SDK1: variants seen among roughly 807,000 people sequenced by gnomAD.
SDK1 encodes sidekick cell adhesion molecule 1, also known as protein sidekick-1.
A neutral mutation model predicts 245.5 loss-of-function variants in SDK1; 157 were observed. That is an observed-to-expected ratio of 0.64 (90% CI 0.56 to 0.73). SDK1 has a LOEUF of 0.73. Among genes scored for constraint, SDK1 ranks in the 30% least tolerant of loss-of-function variants. The pLI, the probability that SDK1 is intolerant of heterozygous loss-of-function variation, is 0.00. For missense variants in SDK1, 3,583 were observed against 3,002.3 expected (o/e 1.19, Z -4.52); for synonymous variants, 1,647 against 1,278.5 (o/e 1.29, Z -6.15).
At chr7:3,869,456 T>C (rs1294618145) in intron 5 of SDK1, among the ~76,000 whole-genome samples, 7 of 152,066 alleles carry the variant, frequency 4.6e-5, no homozygotes, top group Non-Finnish European at 1.0e-4. Flanking sequence ...ACGCCTGGCC[T>C]GTATTTTTCA....
chr7:3,997,923 G>A (rs868404241), intron 14 of SDK1, among the ~76,000 whole-genome samples: 1 of 152,246 alleles, frequency 6.6e-6, no homozygotes, highest in Non-Finnish European at 1.5e-5. Context: ...GCAGGGAGCA[G>A]CCAAGCAGTG....
intron 4 of SDK1, among the ~76,000 whole-genome samples, chr7:3,708,054 G>A (rs192183645): frequency 9.9e-5 from 15 of 152,242 alleles, no homozygotes; most frequent in Admixed American, 3.3e-4. Context: ...TACAGGAAGC[G>A]TGATGCTGCT....
rs145930339 is a variant in SDK1 at position 3,599,902 on chromosome 7, T to C, written c.299-19178T>C. Among the ~76,000 whole-genome samples, 222 of 152,366 alleles carry C rather than the reference T, an allele frequency of 1.5e-3. 1 individual carries two copies. Among genetic ancestry groups the C allele is most frequent in the African/African-American group, 5.3e-3 (219 of 41,590 alleles). On this transcript the variant is annotated intron_variant, in intron 1 of 44. Transcript: ENST00000404826. ...CCTCATATTATTTTGTAAAATTGTT[T>C]TAGATATTCTACTTCCTTTTTTCAT...
chr7:3,889,648 C>T (rs1162510882), intron 5 of SDK1, among the ~76,000 whole-genome samples: 1 of 152,196 alleles, frequency 6.6e-6, no homozygotes, highest in Non-Finnish European at 1.5e-5. Context: ...GCTGGGACTA[C>T]AGGTGCCCGC....
chr7:3,889,389 G>T (rs1442654928), intron 5 of SDK1, among the ~76,000 whole-genome samples: 2 of 152,226 alleles, frequency 1.3e-5, no homozygotes, highest in Non-Finnish European at 2.9e-5. Flanking sequence ...AGTGCAGGTG[G>T]CAGAAAGACA....
chr7:3,797,677 C>A (rs1490871011), intron 4 of SDK1, among the ~76,000 whole-genome samples: 3 of 152,104 alleles, frequency 2.0e-5, no homozygotes, highest in African/African-American at 7.2e-5. Flanking sequence ...TCCACAATTT[C>A]TTTTCCTTTG....
chr7:3,832,669 A>G (rs981337871), intron 5 of SDK1, among the ~76,000 whole-genome samples: 3 of 152,198 alleles, frequency 2.0e-5, no homozygotes, highest in African/African-American at 7.2e-5. Flanking sequence ...TTATATCAGA[A>G]ATAATAGGAA....
chr7:3,849,115 C>G (rs1392008959), intron 5 of SDK1, among the ~76,000 whole-genome samples: 2 of 152,196 alleles, frequency 1.3e-5, no homozygotes, highest in South Asian at 2.1e-4. Context: ...GCCGTCCGAA[C>G]TTTCCCTTTC....
At chr7:3,934,603 T>G (rs560163680) in intron 5 of SDK1, among the ~76,000 whole-genome samples, 1 of 152,378 alleles carries the variant, frequency 6.6e-6, no homozygotes, top group South Asian at 2.1e-4. Flanking sequence ...AAACATCTAT[T>G]AGGCACTTAC....
intron 4 of SDK1, among the ~76,000 whole-genome samples, chr7:3,812,657 G>A (rs1343133113): frequency 6.6e-6 from 1 of 152,182 alleles, no homozygotes; most frequent in Non-Finnish European, 1.5e-5. Context: ...GGCTTGACTG[G>A]TCTTTTCCTG....
Position 3,358,748 on chromosome 7 carries a change from T to C in SDK1, c.298+56864T>C, listed in dbSNP as rs145516808. ...CCTGGAAGACTTAATTTGAGGTCTT[T>C]ATACGTACTTGCGCTACAGTAAATA... On this transcript the variant is annotated intron_variant, in intron 1 of 44. Transcript: ENST00000404826. Among the ~76,000 whole-genome samples, 683 of 152,348 alleles carry C rather than the reference T, an allele frequency of 4.5e-3. 6 individuals carry two copies. Among genetic ancestry groups the C allele is most frequent in the African/African-American group, 0.016 (658 of 41,588 alleles).
At chr7:3,961,888 CAT>C (rs1052255994) in intron 8 of SDK1, among the ~76,000 whole-genome samples, 35 of 152,078 alleles carry the variant, frequency 2.3e-4, no homozygotes, top group African/African-American at 8.5e-4. Context: ...CACATGTACA[CAT>C]ATATGCAGGT....
Position 4,011,066 on chromosome 7 carries a change from C to T in SDK1, c.2232C>T (p.Cys744=), listed in dbSNP as rs745351966. 5.6e-6 allele frequency: 9 copies of T among 1,613,998 alleles called. No homozygotes were observed. Among genetic ancestry groups the T allele is most frequent in the South Asian group, 2.2e-5 (2 of 91,044 alleles). The change falls in exon 15 of 45, where the codon TGC becomes TGT. Residue 744 remains cysteine (C), a synonymous_variant. Transcript: ENST00000404826. ...CTCGTACCTATCAATTCCGGGTGTG[C>T]GCGGTGAATGAAGTGGGCAGGGGCC... is the stretch of plus-strand genomic sequence containing the variant. ...TPARTYQFRV[C]AVNEVGRGQY...
intron 1 of SDK1, among the ~76,000 whole-genome samples, chr7:3,497,849 C>T (rs1029256127): frequency 6.6e-6 from 1 of 152,158 alleles, no homozygotes; most frequent in Non-Finnish European, 1.5e-5. Context: ...CCATCTAATC[C>T]CCTCACTGCA....
intron 4 of SDK1, among the ~76,000 whole-genome samples, chr7:3,717,960 A>T (rs892509929): frequency 6.2e-5 from 7 of 113,308 alleles, no homozygotes; most frequent in Non-Finnish European, 1.3e-4. Flanking sequence ...GACAGCATTT[A>T]AAAAAAAAAA....
At chr7:3,809,081 A>T (rs1236811444) in intron 4 of SDK1, among the ~76,000 whole-genome samples, 1 of 152,074 alleles carries the variant, frequency 6.6e-6, no homozygotes, top group African/African-American at 2.4e-5. Flanking sequence ...TGGCTCGTAG[A>T]TCTGCAGGCT....
chr7:3,600,396 C>T (rs1021619148), intron 1 of SDK1, among the ~76,000 whole-genome samples: 3 of 152,076 alleles, frequency 2.0e-5, no homozygotes, highest in African/African-American at 7.2e-5. Context: ...TTCTTTCCTT[C>T]CAGTATGTAC....
chr7:3,328,025 A>G (rs956312868), intron 1 of SDK1, among the ~76,000 whole-genome samples: 3 of 152,090 alleles, frequency 2.0e-5, no homozygotes, highest in Non-Finnish European at 4.4e-5. Context: ...TGAAAATTAG[A>G]TTACTATGTG....
At chr7:4,014,724 T>C (rs1221499775) in intron 16 of SDK1, among the ~76,000 whole-genome samples, 5 of 152,244 alleles carry the variant, frequency 3.3e-5, no homozygotes, top group Non-Finnish European at 7.3e-5. Context: ...AACGTTCTCC[T>C]GTTTATTTTT....
Sources: gnomAD v4.1 joint callset for allele counts (sites outside exome capture counted in the v4.1 genomes callset) on GRCh38, gnomAD v4.1.1 for gene constraint, MANE v1.5 for transcripts, NCBI Gene and HGNC (gene_info 2026-07-23, HGNC 2026-07-21) for gene names.